SLC15A1: variants seen among roughly 807,000 people sequenced by gnomAD.
The protein encoded by SLC15A1 is solute carrier family 15 member 1.
In SLC15A1, 83 loss-of-function variants were observed where a neutral mutation model predicts 92.9. The observed-to-expected ratio is 0.89, with a 90% CI of 0.75 to 1.07. The LOEUF (loss-of-function observed/expected upper bound fraction) is 1.07. SLC15A1 is among the 50% of genes least tolerant of loss of function. The pLI, the probability that SLC15A1 is intolerant of heterozygous loss-of-function variation, is 0.00. For missense variants in SLC15A1, 857 were observed against 880.1 expected (o/e 0.97, Z 0.33); for synonymous variants, 322 against 318.2 (o/e 1.01, Z -0.13).
intron 1 of SLC15A1, among the ~76,000 whole-genome samples, chr13:98,735,350 G>C (rs561181653): frequency 6.6e-6 from 1 of 152,096 alleles, no homozygotes; most frequent in Admixed American, 6.5e-5. Flanking sequence ...AATAATAAGA[G>C]CTATTTATGA....
rs1173032979 is a variant in SLC15A1, at chr13:98,720,389, T to C, written c.557-1069A>G. ...TAGTAGAACATAGAGGTAGGAGAGG[T>C]GAGCGAACAGGACACACGAATAAAA... On this transcript the variant is annotated intron_variant, in intron 7 of 22. Transcript: ENST00000376503. 8 of 152,242 alleles carry C rather than the reference T, an allele frequency of 5.3e-5. No homozygotes were observed. In the South Asian group the frequency reaches 1.7e-3, roughly 32 times the overall value. The allele number at this position is 152,242 out of a possible 1,614,324, so 9.4% of individuals were successfully genotyped here. A position where few individuals can be genotyped will look rare whatever the true frequency, so the allele number is the denominator to read the frequency against.
chr13:98,718,363 A>G lies in SLC15A1; in HGVS notation c.640+874T>C, dbSNP rs868655778. On this transcript the variant is annotated intron_variant, in intron 8 of 22. Transcript: ENST00000376503. ...GAGACAGGGTCTTGCTCTATCATCC[A>G]GGTTGCAGTGTTATGGTGCAATCAT... is the stretch of plus-strand genomic sequence containing the variant. 5.0e-5 allele frequency among the ~76,000 whole-genome samples: 6 copies of G among 119,554 alleles called. 1 individual carries two copies. The highest frequency in any genetic ancestry group is 7.5e-3 in the Middle Eastern group (1 of 134). 78.4% of individuals were successfully genotyped at this position (119,554 alleles called of 152,430 possible). A position where few individuals can be genotyped will look rare whatever the true frequency, so the allele number is the denominator to read the frequency against.
intron 21 of SLC15A1, among the ~76,000 whole-genome samples, chr13:98,686,511 A>T (rs2087930770): frequency 6.6e-6 from 1 of 152,216 alleles, no homozygotes; most frequent in Admixed American, 6.5e-5. Flanking sequence ...CACGCTCCAC[A>T]TCCTTGCAAA....
At chr13:98,730,741 T>G (rs1323411063) in intron 1 of SLC15A1, among the ~76,000 whole-genome samples, 2 of 152,234 alleles carry the variant, frequency 1.3e-5, no homozygotes, top group Non-Finnish European at 2.9e-5. Context: ...TCAGTGTTTG[T>G]GGGACACGTT....
intron 5 of SLC15A1, among the ~76,000 whole-genome samples, chr13:98,723,628 T>C (rs1362030668): frequency 6.6e-6 from 1 of 152,030 alleles, no homozygotes; most frequent in East Asian, 1.9e-4. Flanking sequence ...CCAGGGTAGG[T>C]CAAGACCAAC....
intron 1 of SLC15A1, among the ~76,000 whole-genome samples, chr13:98,749,105 C>T (rs2088520286): frequency 6.6e-6 from 1 of 152,192 alleles, no homozygotes; most frequent in African/African-American, 2.4e-5. Flanking sequence ...CAGTGTGGGA[C>T]CACCTCTATA....
At chr13:98,716,962 A>C (rs890118450) in intron 8 of SLC15A1, among the ~76,000 whole-genome samples, 29 of 152,222 alleles carry the variant, frequency 1.9e-4, no homozygotes, top group Non-Finnish European at 4.0e-4. Flanking sequence ...AGGCAGGAGG[A>C]TCACTTGAGA....
At chr13:98,715,548 A>T (rs1038831112) in intron 9 of SLC15A1, among the ~76,000 whole-genome samples, 2 of 152,156 alleles carry the variant, frequency 1.3e-5, no homozygotes, top group African/African-American at 4.8e-5. Flanking sequence ...CTTGCTACAC[A>T]TTGCCAAATT....
intron 21 of SLC15A1, among the ~76,000 whole-genome samples, chr13:98,686,624 A>G (rs900253002): frequency 7.9e-5 from 12 of 152,248 alleles, no homozygotes; most frequent in Non-Finnish European, 1.2e-4. Flanking sequence ...TCTTCCCCTC[A>G]AATGCAGGCT....
At chr13:98,704,560 A>G in intron 16 of SLC15A1, 125 bp from the exon 17 acceptor site, 3 of 1,012,088 alleles carry the variant, frequency 3.0e-6, no homozygotes, top group Non-Finnish European at 4.3e-6. Flanking sequence ...TACCAAAAAA[A>G]TGCCTGTGGG....
chr13:98,751,051 G>A lies in SLC15A1; in HGVS notation c.4+1544C>T, dbSNP rs919581924. Among the ~76,000 whole-genome samples the A allele has an allele frequency of 3.3e-5, 5 of 152,048 alleles. No homozygotes were observed. The South Asian group carries it at 1.0e-3, about 31-fold the overall frequency. ...ATTACAAGCGTGAGCCACTGCGCCC[G>A]GCCAAGATCTGTTCTTAAGAGAAGT... On this transcript the variant is annotated intron_variant, in intron 1 of 22. Coordinates refer to ENST00000376503, the MANE Select transcript of SLC15A1 (RefSeq NM_005073.4).
At chr13:98,687,075 G>GT (rs2087934916) in intron 21 of SLC15A1, among the ~76,000 whole-genome samples, 1 of 151,338 alleles carries the variant, frequency 6.6e-6, no homozygotes, top group Admixed American at 6.6e-5. Context: ...AGCCTCCCAA[G>GT]TAGCTGGGAC....
intron 1 of SLC15A1, 127 bp downstream of exon 1, chr13:98,752,468 T>G: frequency 5.6e-6 from 5 of 886,526 alleles, no homozygotes; most frequent in Non-Finnish European, 7.4e-6. Context: ...CCGGCCCCCG[T>G]GGGCCTTCGG....
intron 1 of SLC15A1, among the ~76,000 whole-genome samples, chr13:98,745,704 C>T (rs1353623845): frequency 6.6e-6 from 1 of 152,136 alleles, no homozygotes; most frequent in Non-Finnish European, 1.5e-5. Flanking sequence ...CCCTGCTGAC[C>T]CCTTGACTCT....
chr13:98,707,891 TAAAAA>T (rs745924829), intron 15 of SLC15A1, among the ~76,000 whole-genome samples: 58 of 106,848 alleles, frequency 5.4e-4, no homozygotes, highest in African/African-American at 2.1e-3. Flanking sequence ...AGACCCTGTT[TAAAAA>T]AAAAAAAAAA....
intron 18 of SLC15A1, among the ~76,000 whole-genome samples, chr13:98,692,135 A>AC (rs2087984198): frequency 9.1e-6 from 1 of 110,200 alleles, no homozygotes; most frequent in African/African-American, 3.7e-5. Context: ...CTTCTCCTAA[A>AC]CTTTTTTTTT....
At chr13:98,711,812 G>C in intron 11 of SLC15A1, 42 bp downstream of exon 11, 1 of 1,467,124 alleles carries the variant, frequency 6.8e-7, no homozygotes, top group Non-Finnish European at 9.6e-7. Context: ...CGGGATGTAC[G>C]CTTGCTCCGT....
intron 1 of SLC15A1, among the ~76,000 whole-genome samples, chr13:98,751,049 C>T (rs1284129242): frequency 6.6e-6 from 1 of 152,142 alleles, no homozygotes; most frequent in African/African-American, 2.4e-5. Context: ...GCCACTGCGC[C>T]CGGCCAAGAT....
chr13:98,707,466 G>A (rs1318912600), intron 15 of SLC15A1, among the ~76,000 whole-genome samples: 1 of 152,192 alleles, frequency 6.6e-6, no homozygotes, highest in African/African-American at 2.4e-5. Flanking sequence ...GACTCAGAAA[G>A]TAGAATGGGG....
Sources: allele counts gnomAD v4.1 joint callset (sites outside exome capture counted in the v4.1 genomes callset), GRCh38; gene constraint gnomAD v4.1.1; transcripts MANE v1.5; gene names NCBI Gene and HGNC (gene_info 2026-07-23, HGNC 2026-07-21).